KRT5: variants seen among roughly 807,000 people sequenced by gnomAD.
KRT5 encodes the protein keratin, type II cytoskeletal 5.
In KRT5, 17 loss-of-function variants were observed where a neutral mutation model predicts 44.0. The ratio of observed to expected loss-of-function variants is 0.39; its 90% CI spans 0.26 to 0.58. KRT5 has a LOEUF of 0.58. Among genes scored for constraint, KRT5 ranks in the 20% least tolerant of loss-of-function variants. The probability of loss-of-function intolerance (pLI) is 0.61; values close to 1 mark genes in which losing one functional copy is unlikely to be tolerated. For missense variants in KRT5, 737 were observed against 785.5 expected, an observed-to-expected ratio of 0.94 and a Z score of 0.74; for synonymous variants, 329 against 312.8, an observed-to-expected ratio of 1.05 and a Z score of -0.55.
intron 3 of KRT5, 31 bp from the exon 4 acceptor site, chr12:52,518,023 A>C (rs755532805): frequency 1.2e-6 from 2 of 1,611,078 alleles, no homozygotes; most frequent in African/African-American, 2.7e-5. Context: ...GGCACTGCAC[A>C]CACCGTCACC....
In KRT5 at chr12:52,519,800, G is replaced by T; in HGVS notation, c.497C>A (p.Thr166Asn). ...GGTCTTGATCTGCTCGCGCTCCTCG[G>T]TCCTCACCCTCTGGATGCTGGGGTC... The part of the protein sequence containing the change: ...QIDPSIQRVR[T>N]EEREQIKTLN... Residue 166 changes from threonine (T) to asparagine (N), a missense_variant, in exon 1 of 9, where the codon ACC becomes AAC. Thr to Asn is a moderately conservative substitution (Grantham distance 65). Coordinates refer to ENST00000252242, the MANE Select transcript of KRT5 (RefSeq NM_000424.4). 1.2e-6 allele frequency: 2 copies of T among 1,613,988 alleles called. No individual in the cohort carries two copies. Among genetic ancestry groups the T allele is most frequent in the Non-Finnish European group, 1.7e-6 (2 of 1,180,004 alleles).
At position 52,516,840 on chromosome 12, in the gene KRT5, G is replaced by C. The variant is rs144359915; in HGVS notation, c.1236C>G (p.Asn412Lys). The C allele has an allele frequency of 1.2e-6, 2 of 1,614,086 alleles. No individual in the cohort carries two copies. The highest frequency in any genetic ancestry group is 2.2e-5 in the East Asian group (1 of 44,892). Residue 412 changes from asparagine to lysine, a missense_variant, in exon 7 of 9, where the codon AAC becomes AAG. Around this residue, in one of 5 missense-constraint regions of KRT5, gnomAD observed 344 missense variants for 351.6 expected, o/e 0.98. Coordinates refer to ENST00000252242, the MANE Select transcript of KRT5 (RefSeq NM_000424.4). ...NVKKQCANLQ[N>K]AIADAEQRGE... The stretch of plus-strand genomic sequence containing the variant: ...CACGCTGCTCGGCATCCGCAATGGC[G>C]TTCTGCAGATTGGCGCACTACAGAT...
Position 52,515,141 on chromosome 12 carries a change from GCAAGACCTCCACCGAGGCCGCCGC to G in KRT5, c.1550_1573del (p.Gly517_Leu524del), listed in dbSNP as rs577328983. Reference sequence around the variant, plus strand: ...GTAGTAGCTTCCACTGCTACCTCCGGCAAGACCTCCACCGAGGCCGCCGCCAAGACCTCCACCGAGGCCACCGCC... The same window carrying G: ...GTAGTAGCTTCCACTGCTACCTCCGGCAAGACCTCCACCGAGGCCACCGCC... On this transcript the variant is annotated inframe_deletion, in exon 9 of 9. Coordinates refer to ENST00000252242, the MANE Select transcript of KRT5 (RefSeq NM_000424.4). 333 of 1,611,594 alleles carry G rather than the reference GCAAGACCTCCACCGAGGCCGCCGC, an allele frequency of 2.1e-4. 3 individuals are homozygous for G. In the South Asian group the frequency reaches 3.1e-3, roughly 15 times the overall value.
At chr12:52,518,071 C>T (rs750686005) in intron 3 of KRT5, 32 bp downstream of exon 3, 3 of 1,613,426 alleles carry the variant, frequency 1.9e-6, no homozygotes, top group South Asian at 1.1e-5. Flanking sequence ...AGCATAGCTG[C>T]AGGCTGCTGG....
intron 8 of KRT5, 138 bp from the exon 9 acceptor site, chr12:52,515,378 T>C (rs1565592268): frequency 2.4e-6 from 3 of 1,265,250 alleles, no homozygotes; most frequent in Non-Finnish European, 2.3e-6. Context: ...GGAAGAACTG[T>C]CATTTAATTA....
intron 7 of KRT5, 164 bp downstream of exon 7, chr12:52,516,473 G>T (rs558978871): frequency 2.7e-6 from 2 of 742,600 alleles, no homozygotes; most frequent in South Asian, 3.3e-5. Context: ...AGAAAAGTGA[G>T]TTGAGGTCAG....
rs765859104 is a variant in KRT5 at position 52,515,810 on chromosome 12, G to A, written c.1462C>T (p.Pro488Ser). The change falls in exon 8 of 9, where the codon CCA (proline) becomes TCA (serine). Residue 488 changes from proline to serine, a missense_variant. Coordinates refer to ENST00000252242, the MANE Select transcript of KRT5 (RefSeq NM_000424.4). ...CAAAGCTACTTACAGATGTTGACTG[G>A]TCCAACTCCTTCTCCACTGAGTCTG... is the stretch of plus-strand genomic sequence containing the variant. ...ECRLSGEGVG[P>S]VNISVVTSSV... 1 of 1,613,086 alleles carries A rather than the reference G, an allele frequency of 6.2e-7. No homozygotes were observed. Among genetic ancestry groups the A allele is most frequent in the Non-Finnish European group, 8.5e-7 (1 of 1,179,050 alleles).
Position 52,515,194 on chromosome 12 carries a change from G to T in KRT5, c.1521C>A (p.Gly507=). ...SVSSGYGSGS[G]YGGGLGGGLG... Reference sequence around the variant, plus strand: ...GACCTCCACCGAGGCCACCGCCATAGCCACTGCCACTGCCATATCCAGAGG... The same window carrying T: ...GACCTCCACCGAGGCCACCGCCATATCCACTGCCACTGCCATATCCAGAGG... Residue 507 remains glycine, a synonymous_variant, in exon 9 of 9, where the codon GGC becomes GGA. Transcript: ENST00000252242. 1 of 1,610,904 alleles carries T rather than the reference G, an allele frequency of 6.2e-7. No individual in the cohort carries two copies. Among genetic ancestry groups the T allele is most frequent in the Non-Finnish European group, 8.5e-7 (1 of 1,179,846 alleles).
At chr12:52,518,028 G>C in intron 3 of KRT5, 36 bp from the exon 4 acceptor site, 1 of 1,609,456 alleles carries the variant, frequency 6.2e-7, no homozygotes, top group Non-Finnish European at 8.5e-7. Flanking sequence ...TGCACACACC[G>C]TCACCCTACT....
Position 52,516,670 on chromosome 12 carries a change from G to C in KRT5, c.1406C>G (p.Thr469Ser), listed in dbSNP as rs1264710617. Residue 469 changes from threonine to serine, a missense_variant, in exon 7 of 9, where the codon ACT becomes AGT. Thr to Ser is a moderately conservative substitution (Grantham distance 58). Transcript: ENST00000252242. ...CTCGCCCTCCAGCAGCTTGCGGTAA[G>C]TGGCGATCTCCACGTCCAGGGCCAG... ...TKLALDVEIA[T>S]YRKLLEGEEC... 3 of 1,614,056 alleles carry C rather than the reference G, an allele frequency of 1.9e-6. No individual in the cohort carries two copies. The highest frequency in any genetic ancestry group is 2.5e-6 in the Non-Finnish European group (3 of 1,180,044).
chr12:52,519,602 C>T, intron 1 of KRT5, 140 bp downstream of exon 1: 2 of 961,800 alleles, frequency 2.1e-6, no homozygotes, highest in East Asian at 2.4e-5. Flanking sequence ...TCCACAAATC[C>T]AGGGCACAGA....
At position 52,520,127 on chromosome 12, in the gene KRT5, A is replaced by G; in HGVS notation, c.170T>C (p.Val57Ala). The G allele has an allele frequency of 6.2e-7, 1 of 1,612,638 alleles. No homozygotes were observed. The highest frequency in any genetic ancestry group is 8.5e-7 in the Non-Finnish European group (1 of 1,179,606). The change falls in exon 1 of 9, where the codon GTG (valine) becomes GCG (alanine). Residue 57 changes from valine (V) to alanine (A), a missense_variant. Val to Ala is a moderately conservative substitution (Grantham distance 64). This residue lies in a region of KRT5 where 326 missense variants were observed against 333.1 expected (regional missense o/e 0.98). Coordinates refer to ENST00000252242, the MANE Select transcript of KRT5 (RefSeq NM_000424.4). ...GAGGCTCCGGCTGCCATAGCCACCCACTCCACAAGCACCCGCAAGGCTGAC... is the reference window on the plus strand; with the variant it reads ...GAGGCTCCGGCTGCCATAGCCACCCGCTCCACAAGCACCCGCAAGGCTGAC... ...GRVSLAGACG[V>A]GGYGSRSLYN... is the part of the protein sequence containing the mutation.
At chr12:52,519,234 C>A in intron 1 of KRT5, 74 bp from the exon 2 acceptor site, 1 of 1,584,690 alleles carries the variant, frequency 6.3e-7, no homozygotes, top group Non-Finnish European at 8.6e-7. Context: ...AAGGTGCCTC[C>A]CACCTCTTTC....
chr12:52,520,357 A>G lies in KRT5; in HGVS notation c.-61T>C. On this transcript the variant is annotated 5_prime_UTR_variant, in exon 1 of 9. Transcript: ENST00000252242. Reference sequence around the variant, plus strand: ...ACTAGTGGGTTGGGAGGTGCTGGAGAGAACAGAGCTCAGCAGGACGCAGAA... The same window carrying G: ...ACTAGTGGGTTGGGAGGTGCTGGAGGGAACAGAGCTCAGCAGGACGCAGAA... 6.6e-7 allele frequency: 1 copy of G among 1,512,748 alleles called. No homozygotes were observed. Among genetic ancestry groups the G allele is most frequent in the Non-Finnish European group, 9.1e-7 (1 of 1,093,338 alleles). 93.7% of individuals were successfully genotyped at this position (1,512,748 alleles called of 1,614,324 possible). A position where few individuals can be genotyped will look rare whatever the true frequency, so the allele number is the denominator to read the frequency against.
chr12:52,517,991 T>A lies in KRT5; in HGVS notation c.833A>T (p.Asp278Val). 4.3e-6 allele frequency: 7 copies of A among 1,613,936 alleles called. No individual in the cohort carries two copies. Among genetic ancestry groups the A allele is most frequent in the Non-Finnish European group, 5.9e-6 (7 of 1,179,772 alleles). ...CTTGTTCATGTAGGCAGCATCTACA[T>A]CCTGGGGAAACAGGGATGATTGGCA... The part of the protein sequence containing the change: ...AENEFVMLKK[D>V]VDAAYMNKVE... The change falls in exon 4 of 9, where the codon GAT becomes GTT. Residue 278 changes from aspartate to valine, a missense_variant and splice_region_variant. This residue lies in a region of KRT5 where 59 missense variants were observed against 62.5 expected (regional missense o/e 0.94). Transcript: ENST00000252242.
At chr12:52,515,724 C>T in intron 8 of KRT5, 74 bp downstream of exon 8, 1 of 1,207,050 alleles carries the variant, frequency 8.3e-7, no homozygotes, top group Admixed American at 1.7e-5. Flanking sequence ...GATCTAGAAA[C>T]AGCAGAATTC....
rs751980183 is a variant in KRT5 at position 52,518,899 on chromosome 12, C to A, written c.770+47G>T. 1.1e-5 allele frequency: 17 copies of A among 1,611,840 alleles called. No individual in the cohort carries two copies. In the African/African-American group the frequency reaches 1.3e-4, roughly 13 times the overall value. On this transcript the variant is annotated intron_variant, in intron 2 of 8. Coordinates refer to ENST00000252242, the MANE Select transcript of KRT5 (RefSeq NM_000424.4). ...ACTAGTAACAAAGCCCATCTGGTAC[C>A]AAGAAGACACCACCCTCCCCTGTGT...
At position 52,516,778 on chromosome 12, in the gene KRT5, G is replaced by T. The variant is rs577244472; in HGVS notation, c.1298C>A (p.Ala433Asp). Residue 433 changes from alanine (A) to aspartate (D), a missense_variant, in exon 7 of 9, where the codon GCC (alanine) becomes GAC (aspartate). By Grantham distance (126) the Ala-to-Asp change is moderately radical (BLOSUM62 -2). This residue lies in a region of KRT5 where 344 missense variants were observed against 351.6 expected (regional missense o/e 0.98). Coordinates refer to ENST00000252242, the MANE Select transcript of KRT5 (RefSeq NM_000424.4). The stretch of plus-strand genomic sequence containing the variant: ...CTTCTGCAGGGCCTCCTCCAGCTCG[G>T]CCAGCTTGTTCCTGGCATCCTTGAG... ...LALKDARNKL[A>D]ELEEALQKAK... The T allele has an allele frequency of 4.3e-5, 70 of 1,614,066 alleles. No individual in the cohort carries two copies. Among genetic ancestry groups the T allele is most frequent in the Non-Finnish European group, 5.9e-5 (70 of 1,180,052 alleles).
At position 52,518,796 on chromosome 12, in the gene KRT5, A is replaced by ATTTG. The variant is rs1332714985; in HGVS notation, c.770+146_770+149dup. On this transcript the variant is annotated intron_variant, in intron 2 of 8. Transcript: ENST00000252242. ...TTCTAAACATGAGCCTGGCTTGTGT[A>ATTTG]TTTGTTTGTTTGTTTTAGTACTGGA... The ATTTG allele has an allele frequency of 4.2e-6, 4 of 962,852 alleles. No individual in the cohort carries two copies. The Admixed American group carries it at 6.2e-5, about 15-fold the overall frequency. 59.6% of individuals were successfully genotyped at this position (962,852 alleles called of 1,614,324 possible). A position where few individuals can be genotyped will look rare whatever the true frequency, so the allele number is the denominator to read the frequency against.
Sources: gnomAD v4.1 joint callset for allele counts on GRCh38, gnomAD v4.1.1 for gene constraint, gnomAD v4.1.1 regional missense constraint, MANE v1.5 for transcripts, NCBI Gene and HGNC (gene_info 2026-07-23, HGNC 2026-07-21) for gene names.